AGAP1: variants seen among roughly 807,000 people sequenced by gnomAD.
AGAP1 encodes arf-GAP with GTPase, ANK repeat and PH domain-containing protein 1.
AGAP1 carries 29 observed loss-of-function variants against 105.3 expected under a neutral mutation model. The observed-to-expected ratio is 0.28, with a 90% CI of 0.21 to 0.38. AGAP1 has a LOEUF of 0.38. AGAP1 is among the 10% of genes least tolerant of loss of function. The pLI is 1.00. For missense variants in AGAP1, 998 were observed against 1,165.1 expected (o/e 0.86, Z 2.09); for synonymous variants, 509 against 485.9 (o/e 1.05, Z -0.63).
chr2:235,828,137 A>G (rs1394777347), intron 9 of AGAP1, among the ~76,000 whole-genome samples: 1 of 152,188 alleles, frequency 6.6e-6, no homozygotes, highest in East Asian at 1.9e-4. Context: ...TGTTTCTGGG[A>G]AATAATGGGA....
intron 1 of AGAP1, among the ~76,000 whole-genome samples, chr2:235,544,045 C>T (rs967755277): frequency 6.6e-6 from 1 of 152,192 alleles, no homozygotes; most frequent in African/African-American, 2.4e-5. Context: ...TTGAGTCACC[C>T]CCTGCCCCCA....
chr2:235,647,082 A>ACCGAGATTGCGCCACTGCACCAC (rs1947414324), intron 1 of AGAP1, among the ~76,000 whole-genome samples: 1 of 150,380 alleles, frequency 6.6e-6, no homozygotes, highest in Non-Finnish European at 1.5e-5. Context: ...CTTGCAGTGA[A>ACCGAGATTGCGCCACTGCACCAC]CCGAGATTGC....
chr2:235,930,835 C>G lies in AGAP1; in HGVS notation c.1395C>G (p.Pro465=). 1 of 1,614,064 alleles carries G rather than the reference C, an allele frequency of 6.2e-7. No homozygotes were observed. The highest frequency in any genetic ancestry group is 8.5e-7 in the Non-Finnish European group (1 of 1,180,002). The change falls in exon 12 of 18, where the codon CCC becomes CCG. Residue 465 remains proline, a synonymous_variant. Coordinates refer to ENST00000304032, the MANE Select transcript of AGAP1 (RefSeq NM_001037131.3). This position sits in a 1 kb window ranked among gnomAD's most constrained non-coding sequence, Gnocchi z 7.9. ...GCCTGGTCTCCTTCAACAGCCGACC[C>G]GACGGCATGCACCAGCGCTCCTACT... The part of the protein sequence containing the change: ...GISLVSFNSR[P]DGMHQRSYSV...
At position 236,061,118 on chromosome 2, in the gene AGAP1, C is replaced by T. The variant is rs547371070; in HGVS notation, c.2114+11837C>T. ...GCTAAGACTCTAAATAGACATTTCT[C>T]CAGAAAATATAAAAATGGCCAGTAA... is the stretch of plus-strand genomic sequence containing the variant. On this transcript the variant is annotated intron_variant, in intron 16 of 17. Coordinates refer to ENST00000304032, the MANE Select transcript of AGAP1 (RefSeq NM_001037131.3). This position sits in a 1 kb window ranked among gnomAD's most constrained non-coding sequence, Gnocchi z 4.1. Among the ~76,000 whole-genome samples the T allele has an allele frequency of 6.6e-6, 1 of 152,244 alleles. No homozygotes were observed. Among genetic ancestry groups the T allele is most frequent in the South Asian group, 2.1e-4 (1 of 4,824 alleles).
At chr2:235,696,106 C>T (rs1211739705) in intron 1 of AGAP1, among the ~76,000 whole-genome samples, 3 of 152,254 alleles carry the variant, frequency 2.0e-5, no homozygotes, top group East Asian at 3.9e-4. Context: ...AGTGCAGTGG[C>T]GTGATCTCAG....
intron 1 of AGAP1, among the ~76,000 whole-genome samples, chr2:235,706,547 C>T (rs1950547512): frequency 6.6e-6 from 1 of 152,176 alleles, no homozygotes. Flanking sequence ...CACCCCTCAC[C>T]CCCGATACAC....
At chr2:235,521,426 CTT>C (rs35070940) in intron 1 of AGAP1, among the ~76,000 whole-genome samples, 24,677 of 152,136 alleles carry the variant, frequency 0.16, 2,245 homozygotes, top group East Asian at 0.25. Flanking sequence ...AAGACTCTCT[CTT>C]TGTCACTTTT....
In AGAP1 at chr2:236,104,745, T is replaced by C. The variant is rs1299741008; in HGVS notation, c.2115-15447T>C. Among the ~76,000 whole-genome samples, 2 of 152,096 alleles carry C rather than the reference T, an allele frequency of 1.3e-5. No homozygotes were observed. Among genetic ancestry groups the C allele is most frequent in the Non-Finnish European group, 2.9e-5 (2 of 68,008 alleles). ...CTCTACCAAAAATACAAAAATTAGCTGGGCATGGTGATGCGTGCCTGTAAT... is the reference window on the plus strand; with the variant it reads ...CTCTACCAAAAATACAAAAATTAGCCGGGCATGGTGATGCGTGCCTGTAAT... On this transcript the variant is annotated intron_variant, in intron 16 of 17. Transcript: ENST00000304032. The surrounding 1 kb of genome is among the most constrained non-coding windows in gnomAD (Gnocchi z 4.7).
chr2:236,025,226 C>T (rs1056416018), intron 13 of AGAP1, among the ~76,000 whole-genome samples: 7 of 151,922 alleles, frequency 4.6e-5, no homozygotes, highest in African/African-American at 7.2e-5. Flanking sequence ...GTGAAAGCTC[C>T]GAACAGGGCA....
chr2:236,024,117 G>A (rs752824586), intron 13 of AGAP1, among the ~76,000 whole-genome samples: 6 of 137,938 alleles, frequency 4.3e-5, no homozygotes, highest in East Asian at 4.5e-4. Flanking sequence ...TACAACCTCC[G>A]CCTCCCGGGT....
intron 1 of AGAP1, among the ~76,000 whole-genome samples, chr2:235,581,134 CAAAAA>C (rs60330965): frequency 2.5e-4 from 22 of 88,242 alleles, no homozygotes; most frequent in Admixed American, 6.2e-4. Flanking sequence ...CCATCTCAAG[CAAAAA>C]AAAAAAAAAA....
intron 1 of AGAP1, among the ~76,000 whole-genome samples, chr2:235,686,634 TATATATATATAGATATATATATATATA>T (rs1219706392): frequency 1.9e-5 from 1 of 51,892 alleles, no homozygotes; most frequent in African/African-American, 9.9e-5. Flanking sequence ...TATATATATA[TATATATATATAGATATATATATATATA>T]TATATTTTTT....
At chr2:235,921,407 G>A (rs1485584379) in intron 11 of AGAP1, among the ~76,000 whole-genome samples, 1 of 152,142 alleles carries the variant, frequency 6.6e-6, no homozygotes, top group Non-Finnish European at 1.5e-5. Context: ...AGATTTTGGT[G>A]GATTTAGTTT....
rs2054088004 is a variant in AGAP1 at position 235,959,421 on chromosome 2, A to G, written c.1484-9041A>G. 6.6e-6 allele frequency among the ~76,000 whole-genome samples: 1 copy of G among 152,092 alleles called. No homozygotes were observed. Among genetic ancestry groups the G allele is most frequent in the East Asian group, 1.9e-4 (1 of 5,152 alleles). On this transcript the variant is annotated intron_variant, in intron 12 of 17. Transcript: ENST00000304032. This position sits in a 1 kb window ranked among gnomAD's most constrained non-coding sequence, Gnocchi z 7.3. The stretch of plus-strand genomic sequence containing the variant: ...ATTTTAAACCAGGGGAATGTTAAAC[A>G]ACTCCTTGAAAGCGAGCTCTCGACA...
chr2:235,802,294 G>A (rs956232546), intron 8 of AGAP1, among the ~76,000 whole-genome samples: 2 of 152,150 alleles, frequency 1.3e-5, no homozygotes, highest in Admixed American at 1.3e-4. Flanking sequence ...GGCAGGGCAG[G>A]TGCAGAAGCC....
intron 8 of AGAP1, among the ~76,000 whole-genome samples, chr2:235,804,533 A>G (rs1957741852): frequency 6.6e-6 from 1 of 152,194 alleles, no homozygotes; most frequent in Non-Finnish European, 1.5e-5. Context: ...CCACTGGTTG[A>G]AAGGGGGTAA....
intron 1 of AGAP1, among the ~76,000 whole-genome samples, chr2:235,707,834 G>T (rs1414947496): frequency 6.6e-6 from 1 of 151,012 alleles, no homozygotes; most frequent in African/African-American, 2.4e-5. Flanking sequence ...GACCTGATGG[G>T]TTATGCTCCC....
Position 235,964,669 on chromosome 2 carries a change from C to CT in AGAP1, c.1484-3785dup, listed in dbSNP as rs917508409. 6.6e-5 allele frequency among the ~76,000 whole-genome samples: 10 copies of CT among 151,868 alleles called. No homozygotes were observed. Among genetic ancestry groups the CT allele is most frequent in the African/African-American group, 1.9e-4 (8 of 41,322 alleles). ...TAAATAAAAATTAATTAGGCTCGCC[C>CT]TTTTTTTTCCAAGATATCTATAGCT... On this transcript the variant is annotated intron_variant, in intron 12 of 17. Transcript: ENST00000304032. The surrounding 1 kb of genome is among the most constrained non-coding windows in gnomAD (Gnocchi z 4.6).
intron 10 of AGAP1, among the ~76,000 whole-genome samples, chr2:235,899,288 G>A (rs755114321): frequency 4.6e-5 from 7 of 152,130 alleles, no homozygotes; most frequent in Non-Finnish European, 7.3e-5. Flanking sequence ...TGAGGCAGGC[G>A]GATCACTTGA....
Sources: allele counts gnomAD v4.1 joint callset (sites outside exome capture counted in the v4.1 genomes callset), GRCh38; gene constraint gnomAD v4.1.1; non-coding constraint Gnocchi (gnomAD v3.1); transcripts MANE v1.5; gene names NCBI Gene and HGNC (gene_info 2026-07-23, HGNC 2026-07-21).